KIF13B: variants seen among roughly 807,000 people sequenced by gnomAD.
KIF13B encodes the protein kinesin family member 13B, also known as kinesin-like protein KIF13B.
Under a neutral mutation model 222.0 loss-of-function variants are expected in KIF13B, and 127 were observed. The ratio of observed to expected loss-of-function variants is 0.57; its 90% CI spans 0.50 to 0.66. KIF13B has a LOEUF of 0.66. Ranked by LOEUF, KIF13B falls within the 30% of genes least tolerant of loss-of-function variation. KIF13B has a pLI of 0.00. For missense variants in KIF13B, 2,173 were observed against 2,379.0 expected, an observed-to-expected ratio of 0.91 and a Z score of 1.80; for synonymous variants, 976 against 919.0, an observed-to-expected ratio of 1.06 and a Z score of -1.12.
chr8:29,254,838 T>A (rs968568194), intron 1 of KIF13B, among the ~76,000 whole-genome samples: 2 of 152,196 alleles, frequency 1.3e-5, no homozygotes, highest in Non-Finnish European at 2.9e-5. Context: ...AGCCTGTACA[T>A]AAATGTTCAA....
At chr8:29,178,895 T>C (rs987406571) in intron 8 of KIF13B, among the ~76,000 whole-genome samples, 10 of 151,964 alleles carry the variant, frequency 6.6e-5, no homozygotes, top group Admixed American at 4.6e-4. Context: ...AAAATTCACA[T>C]AAAAAGAGGG....
At position 29,236,799 on chromosome 8, in the gene KIF13B, T is replaced by G. The variant is rs868144102; in HGVS notation, c.149+8547A>C. 3.1e-4 allele frequency among the ~76,000 whole-genome samples: 47 copies of G among 152,294 alleles called. 1 individual carries two copies. The Middle Eastern group carries it at 0.031, about 99-fold the overall frequency. On this transcript the variant is annotated intron_variant, in intron 2 of 39. Coordinates refer to ENST00000524189, the MANE Select transcript of KIF13B (RefSeq NM_015254.4). ...AACGCTTTTCTTTGTAAAAGAAAAC[T>G]TTCTCACAAGAAAATGTACAATTCT...
intron 5 of KIF13B, among the ~76,000 whole-genome samples, chr8:29,186,788 G>A (rs773394910): frequency 4.7e-5 from 7 of 150,238 alleles, no homozygotes; most frequent in Admixed American, 3.3e-4. Flanking sequence ...GTGAAACCCC[G>A]TCTCTACTAA....
Position 29,107,141 on chromosome 8 carries a change from T to C in KIF13B, c.4215+998A>G, listed in dbSNP as rs184468912. ...GAATAAAATTTCCGTTCCCTTGTTT[T>C]TCTTTCTTCTCACAAATAATGTTAA... On this transcript the variant is annotated intron_variant, in intron 35 of 39. Transcript: ENST00000524189. 4.5e-3 allele frequency among the ~76,000 whole-genome samples: 691 copies of C among 152,396 alleles called. 2 individuals are homozygous for C. Among genetic ancestry groups the C allele is most frequent in the Non-Finnish European group, 5.8e-3 (398 of 68,040 alleles).
At chr8:29,188,285 A>G (rs1018088066) in intron 5 of KIF13B, among the ~76,000 whole-genome samples, 15 of 152,220 alleles carry the variant, frequency 9.9e-5, no homozygotes, top group African/African-American at 3.4e-4. Flanking sequence ...TTTTCGAAAA[A>G]CAATGCTGCC....
intron 2 of KIF13B, among the ~76,000 whole-genome samples, chr8:29,206,524 C>T (rs1263523795): frequency 1.3e-5 from 2 of 152,188 alleles, no homozygotes; most frequent in Non-Finnish European, 2.9e-5. Context: ...TATTTCACTA[C>T]TCACAAGGGA....
intron 1 of KIF13B, among the ~76,000 whole-genome samples, chr8:29,254,382 C>A (rs1034030424): frequency 4.6e-5 from 7 of 152,038 alleles, no homozygotes; most frequent in Non-Finnish European, 5.9e-5. Flanking sequence ...GAAAAAGAAA[C>A]CCATAAAATC....
intron 26 of KIF13B, among the ~76,000 whole-genome samples, chr8:29,124,992 A>G (rs936914609): frequency 6.6e-6 from 1 of 152,146 alleles, no homozygotes; most frequent in Admixed American, 6.5e-5. Flanking sequence ...AGAGGTTGCA[A>G]TGAGCCAAGA....
intron 1 of KIF13B, among the ~76,000 whole-genome samples, chr8:29,260,167 T>C (rs1816628898): frequency 6.6e-6 from 1 of 152,220 alleles, no homozygotes; most frequent in African/African-American, 2.4e-5. Flanking sequence ...ACATACAGTT[T>C]AGCAGAAAGA....
intron 5 of KIF13B, among the ~76,000 whole-genome samples, chr8:29,187,336 T>C (rs1318025445): frequency 6.6e-6 from 1 of 152,242 alleles, no homozygotes; most frequent in African/African-American, 2.4e-5. Flanking sequence ...GAGACCAGCC[T>C]GGCCAACATG....
At position 29,245,133 on chromosome 8, in the gene KIF13B, A is replaced by G. The variant is rs1815964767; in HGVS notation, c.149+213T>C. On this transcript the variant is annotated intron_variant, in intron 2 of 39. Transcript: ENST00000524189. ...CACTCAGTCTCTTCTGTGTGCTTCT[A>G]ATACAATTACTACCTCTAATACTCA... Among the ~76,000 whole-genome samples the G allele has an allele frequency of 2.6e-5, 4 of 152,324 alleles. No homozygotes were observed. In the South Asian group the frequency reaches 8.3e-4, roughly 32 times the overall value.
intron 3 of KIF13B, among the ~76,000 whole-genome samples, chr8:29,195,122 C>T (rs570374575): frequency 6.6e-6 from 1 of 152,162 alleles, no homozygotes; most frequent in African/African-American, 2.4e-5. Flanking sequence ...GTGGTGGGTG[C>T]CTGTAATCCC....
In KIF13B at chr8:29,096,957, T is replaced by C. The variant is rs1187113377; in HGVS notation, c.4324+2176A>G. ...GCCAAGCAGAAAACCAATAAAAATATGGCGGACCAGAATGGGAGGCAATGG... is the reference window on the plus strand; with the variant it reads ...GCCAAGCAGAAAACCAATAAAAATACGGCGGACCAGAATGGGAGGCAATGG... On this transcript the variant is annotated intron_variant, in intron 36 of 39. Transcript: ENST00000524189. Among the ~76,000 whole-genome samples the C allele has an allele frequency of 2.6e-5, 4 of 152,084 alleles. No homozygotes were observed. The South Asian group carries it at 6.2e-4, about 24-fold the overall frequency.
rs760358704 is a variant in KIF13B, at chr8:29,146,549, A to T, written c.2025-9T>A. The T allele has an allele frequency of 1.2e-5, 19 of 1,611,594 alleles. No individual in the cohort carries two copies. The South Asian group carries it at 2.1e-4, about 18-fold the overall frequency. ...TATTCAACGTTGCTTCTCTAAAAAAAAATAAAGAAGCGGCAGAGGTAGGGA... is the reference window on the plus strand; with the variant it reads ...TATTCAACGTTGCTTCTCTAAAAAATAATAAAGAAGCGGCAGAGGTAGGGA... On this transcript the variant is annotated splice_polypyrimidine_tract_variant and intron_variant, in intron 17 of 39. Transcript: ENST00000524189.
At chr8:29,224,782 A>T (rs963602864) in intron 2 of KIF13B, among the ~76,000 whole-genome samples, 8 of 152,138 alleles carry the variant, frequency 5.3e-5, no homozygotes, top group African/African-American at 1.9e-4. Context: ...TTAGGATATC[A>T]AATGTTAATT....
At chr8:29,190,299 C>G (rs1173907343) in intron 4 of KIF13B, 2 of 152,292 alleles carry the variant, frequency 1.3e-5, no homozygotes, top group African/African-American at 4.8e-5. Context: ...TGTCAAATCA[C>G]ATTTCTAATC....
intron 1 of KIF13B, among the ~76,000 whole-genome samples, chr8:29,248,356 G>T (rs745513707): frequency 6.6e-6 from 1 of 152,110 alleles, no homozygotes; most frequent in Non-Finnish European, 1.5e-5. Flanking sequence ...GCAAAAAAAC[G>T]AATGAAGAAC....
In KIF13B at chr8:29,186,272, A is replaced by G. The variant is rs1350726896; in HGVS notation, c.497+20T>C. On this transcript the variant is annotated intron_variant, in intron 6 of 39. Coordinates refer to ENST00000524189, the MANE Select transcript of KIF13B (RefSeq NM_015254.4). ...TTTCAGTTCACAATGCTGAAACACT[A>G]AAGTCTCAAAGTCCTTTACCCTTTG... 7 of 1,582,968 alleles carry G rather than the reference A, an allele frequency of 4.4e-6. No homozygotes were observed. Among genetic ancestry groups the G allele is most frequent in the African/African-American group, 1.4e-5 (1 of 73,402 alleles).
At position 29,072,094 on chromosome 8, in the gene KIF13B, G is replaced by T; in HGVS notation, c.4744C>A (p.Leu1582Met). ...SVSTATLSDA[L>M]GPGLDAAAPP... ...GCCGCAGCGTCCAGGCCGGGGCCCA[G>T]GGCGTCCGACAGGGTCGCGGTGGAG... Residue 1582 changes from leucine (L) to methionine (M), a missense_variant, in exon 39 of 40, where the codon CTG becomes ATG. Physicochemically the swap from Leu to Met is conservative, Grantham distance 15 (BLOSUM62 2). Around this residue, in one of 2 missense-constraint regions of KIF13B, gnomAD observed 693 missense variants for 656.2 expected, o/e 1.06. Coordinates refer to ENST00000524189, the MANE Select transcript of KIF13B (RefSeq NM_015254.4). 7.4e-7 allele frequency: 1 copy of T among 1,347,652 alleles called. No individual in the cohort carries two copies. Among genetic ancestry groups the T allele is most frequent in the African/African-American group, 1.5e-5 (1 of 65,234 alleles). 83.5% of individuals were successfully genotyped at this position (1,347,652 alleles called of 1,614,324 possible).
Sources: gnomAD v4.1 joint callset for allele counts (sites outside exome capture counted in the v4.1 genomes callset) on GRCh38, gnomAD v4.1.1 for gene constraint, gnomAD v4.1.1 regional missense constraint, MANE v1.5 for transcripts, NCBI Gene and HGNC (gene_info 2026-07-23, HGNC 2026-07-21) for gene names.